Variants in FAM228B observed in about 807,000 individuals in gnomAD.
FAM228B encodes protein FAM228B.
Under a neutral mutation model 42.6 loss-of-function variants are expected in FAM228B, and 38 were observed. The ratio of observed to expected loss-of-function variants is 0.89; its 90% confidence interval spans 0.69 to 1.17. The LOEUF (loss-of-function observed/expected upper bound fraction) is 1.17. Among genes scored for constraint, FAM228B ranks in the 50% most tolerant of loss-of-function variants. FAM228B has a pLI of 0.00. For synonymous variants in FAM228B, 109 were observed against 122.3 expected, an observed-to-expected ratio of 0.89 and a Z score of 0.72; for missense variants, 344 against 367.3, an observed-to-expected ratio of 0.94 and a Z score of 0.52.
intron 5 of FAM228B, 137 bp downstream of exon 5, chr2:24,139,587 TAGAA>T: frequency 2.2e-6 from 1 of 451,944 alleles, no homozygotes; most frequent in South Asian, 5.7e-5. Flanking sequence ...CGCCTGATCT[TAGAA>T]AGGAACAAAA....
intron 9 of FAM228B, among the ~76,000 whole-genome samples, chr2:24,167,169 G>A (rs1265721362): frequency 6.6e-6 from 1 of 152,228 alleles, no homozygotes; most frequent in Non-Finnish European, 1.5e-5. Context: ...CGTCAAGGCA[G>A]TTGAGGGTTC....
In FAM228B at chr2:24,077,739, G is replaced by A. The variant is rs1205590076; in HGVS notation, c.-290+770G>A. On this transcript the variant is annotated intron_variant, in intron 1 of 10. Transcript: ENST00000613899. This position sits in a 1 kb window ranked among gnomAD's most constrained non-coding sequence, Gnocchi z 5.5. ...GTGAGGCAGAATTTGCTCCGTGAAAGCATTCACCAGCATTTGCTTGTACTA... is the reference window on the plus strand; with the variant it reads ...GTGAGGCAGAATTTGCTCCGTGAAAACATTCACCAGCATTTGCTTGTACTA... The A allele has an allele frequency of 6.2e-6, 10 of 1,613,768 alleles. No individual in the cohort carries two copies. The highest frequency in any genetic ancestry group is 1.3e-5 in the African/African-American group (1 of 74,920).
At chr2:24,113,009 C>T (rs1443357644) in intron 3 of FAM228B, among the ~76,000 whole-genome samples, 1 of 141,316 alleles carries the variant, frequency 7.1e-6, no homozygotes. Context: ...GTCTTCAGGA[C>T]TGTGCTCTGT....
chr2:24,084,339 C>G lies in FAM228B; in HGVS notation c.-210+3384C>G, dbSNP rs769183724. On this transcript the variant is annotated intron_variant, in intron 2 of 10. Coordinates refer to the FAM228B transcript ENST00000613899. This position sits in a 1 kb window ranked among gnomAD's most constrained non-coding sequence, Gnocchi z 8.4. ...GCACGGCTAACATATTGTCTGAGGA[C>G]ACAGGGCAGGGCAGGGCAGGACAGG... 6.2e-7 allele frequency: 1 copy of G among 1,602,070 alleles called. No homozygotes were observed. Among genetic ancestry groups the G allele is most frequent in the Non-Finnish European group, 8.5e-7 (1 of 1,173,590 alleles).
intron 2 of FAM228B, among the ~76,000 whole-genome samples, chr2:24,093,652 G>A (rs1665436975): frequency 6.7e-6 from 1 of 149,902 alleles, no homozygotes; most frequent in African/African-American, 2.5e-5. Flanking sequence ...ATCTTGCTGT[G>A]TCACCCAGGC....
chr2:24,138,451 C>G (rs1666660707), intron 4 of FAM228B, among the ~76,000 whole-genome samples: 1 of 152,040 alleles, frequency 6.6e-6, no homozygotes, highest in African/African-American at 2.4e-5. Context: ...ATTCTCCTGC[C>G]TTAGCCTCCC....
chr2:24,164,572 TGAGGGTGCCCCCTGGTGGAGC>T (rs1469090253), intron 9 of FAM228B, among the ~76,000 whole-genome samples: 8 of 150,342 alleles, frequency 5.3e-5, no homozygotes, highest in African/African-American at 2.0e-4. Context: ...AGCCACACGA[TGAGGGTGCCCCCTGGTGGAGC>T]CACACGATGA....
At chr2:24,130,920 T>G (rs1411859150) in intron 2 of FAM228B, among the ~76,000 whole-genome samples, 2 of 152,158 alleles carry the variant, frequency 1.3e-5, no homozygotes, top group Non-Finnish European at 2.9e-5. Flanking sequence ...GTTTTTATGG[T>G]TTTGGGTTTT....
Position 24,164,282 on chromosome 2 carries a change from AG to A in FAM228B, c.882del (p.Tyr295IlefsTer5). ...NPSAKEAISE[G>X]YFSSLSLSQE... is the part of the protein sequence containing the mutation. ...CAAGTGCCAAAGAGGCCATCTCTGA[AG>A]GGTATTTTTCTTCCTTGAGCCTCAG... On this transcript the variant is annotated frameshift_variant, in exon 9 of 11. Transcript: ENST00000615575. LOFTEE classifies it high-confidence loss of function. The A allele has an allele frequency of 1.9e-6, 3 of 1,551,418 alleles. No individual in the cohort carries two copies. The highest frequency in any genetic ancestry group is 2.6e-6 in the Non-Finnish European group (3 of 1,146,818).
chr2:24,128,566 A>G (rs1435467919), intron 2 of FAM228B, among the ~76,000 whole-genome samples: 1 of 151,720 alleles, frequency 6.6e-6, no homozygotes, highest in East Asian at 1.9e-4. Context: ...AAATTTTCCT[A>G]TTTCTTTGTA....
At chr2:24,086,743 T>C (rs188166579) in intron 2 of FAM228B, among the ~76,000 whole-genome samples, 155 of 152,318 alleles carry the variant, frequency 1.0e-3, no homozygotes, top group African/African-American at 3.5e-3. Flanking sequence ...TGTAACTCAA[T>C]ATACCCCATT....
intron 5 of FAM228B, among the ~76,000 whole-genome samples, chr2:24,145,628 A>C (rs772411115): frequency 2.6e-5 from 4 of 152,158 alleles, no homozygotes; most frequent in African/African-American, 4.8e-5. Context: ...GTCCAATGTC[A>C]TTTAAAATTT....
chr2:24,142,304 AGACCAACCCAAAT>A (rs1297282954), intron 5 of FAM228B, among the ~76,000 whole-genome samples: 5 of 152,190 alleles, frequency 3.3e-5, no homozygotes, highest in Non-Finnish European at 5.9e-5. Context: ...ACCTGGCTTC[AGACCAACCCAAAT>A]GACCCTCTCT....
intron 2 of FAM228B, among the ~76,000 whole-genome samples, chr2:24,086,174 G>C (rs1246601339): frequency 1.4e-5 from 2 of 145,090 alleles, no homozygotes; most frequent in African/African-American, 2.5e-5. Context: ...GGGGGAGCTT[G>C]CAGTGAGCCG....
chr2:24,139,487 G>A (rs1447345133), intron 5 of FAM228B, 37 bp downstream of exon 5: 2 of 1,319,190 alleles, frequency 1.5e-6, no homozygotes, highest in Non-Finnish European at 2.1e-6. Flanking sequence ...TTGGTATTAT[G>A]TGTTTGGTTG....
At chr2:24,089,867 C>T (rs916422547) in intron 2 of FAM228B, among the ~76,000 whole-genome samples, 3 of 149,116 alleles carry the variant, frequency 2.0e-5, no homozygotes, top group South Asian at 2.1e-4. Context: ...CTCAGCTACT[C>T]GGGAGGCTGA....
intron 7 of FAM228B, among the ~76,000 whole-genome samples, chr2:24,158,366 C>T (rs1292074501): frequency 6.6e-6 from 1 of 152,018 alleles, no homozygotes; most frequent in Non-Finnish European, 1.5e-5. Context: ...ACACAGTTTG[C>T]ACCTGTTTAC....
chr2:24,105,231 G>A (rs1665680085), intron 3 of FAM228B, among the ~76,000 whole-genome samples: 1 of 152,340 alleles, frequency 6.6e-6, no homozygotes, highest in South Asian at 2.1e-4. Context: ...GACCTGGCAA[G>A]GTTACAGCTT....
intron 1 of FAM228B, chr2:24,078,891 T>A (rs2150982684): frequency 6.6e-6 from 1 of 150,572 alleles, no homozygotes; most frequent in African/African-American, 2.4e-5. Context: ...TTTTTTTTTT[T>A]GAGATGAGGT....
Sources: allele counts gnomAD v4.1 joint callset (sites outside exome capture counted in the v4.1 genomes callset), GRCh38; gene constraint gnomAD v4.1.1; non-coding constraint Gnocchi (gnomAD v3.1); transcripts MANE v1.5; gene names NCBI Gene and HGNC (gene_info 2026-07-23, HGNC 2026-07-21).